Variants in NBPF11 observed in about 807,000 individuals in gnomAD.
The protein encoded by NBPF11 is NBPF family member NBPF11.
NBPF11 carries 72 observed loss-of-function variants against 93.9 expected under a neutral mutation model. That is an observed-to-expected ratio of 0.77 (90% CI 0.63 to 0.93). NBPF11 has a LOEUF of 0.93. Ranked by LOEUF, NBPF11 falls within the 40% of genes least tolerant of loss-of-function variation. NBPF11 has a pLI of 0.00. For missense variants in NBPF11, 705 were observed against 802.2 expected (o/e 0.88, Z 1.46); for synonymous variants, 224 against 304.9 (o/e 0.73, Z 2.76).
chr1:148,116,897 T>C (rs1232697398), intron 12 of NBPF11, among the ~76,000 whole-genome samples: 28 of 152,210 alleles, frequency 1.8e-4, no homozygotes, highest in African/African-American at 6.3e-4. Flanking sequence ...TCAAACCTAA[T>C]TCTTTCTCTT....
chr1:148,106,908 TG>T (rs1663785856), intron 20 of NBPF11, 33 bp downstream of exon 20: 1 of 690,692 alleles, frequency 1.4e-6, no homozygotes, highest in Non-Finnish European at 2.6e-6. Context: ...GAAGGCCAGG[TG>T]GAGGCTTATC....
At chr1:148,140,818 C>T (rs1392919454) in intron 2 of NBPF11, among the ~76,000 whole-genome samples, 2 of 151,410 alleles carry the variant, frequency 1.3e-5, no homozygotes, top group African/African-American at 2.4e-5. Flanking sequence ...AGTGTAGTCA[C>T]TTTGGAAAAC....
At position 148,137,179 on chromosome 1, in the gene NBPF11, C is replaced by T. The variant is rs1468507627; in HGVS notation, c.-178+532G>A. On this transcript the variant is annotated intron_variant, in intron 3 of 23. Coordinates refer to ENST00000682118, the MANE Select transcript of NBPF11 (RefSeq NM_001385469.3). ...TTACCGCATGAACTGGATCTAATCACATCACTCCATACATGACAGAGCTTT... is the reference window on the plus strand; with the variant it reads ...TTACCGCATGAACTGGATCTAATCATATCACTCCATACATGACAGAGCTTT... Among the ~76,000 whole-genome samples the T allele has an allele frequency of 2.8e-4, 43 of 152,048 alleles. 2 individuals are homozygous for T. Among genetic ancestry groups the T allele is most frequent in the African/African-American group, 9.7e-4 (40 of 41,324 alleles).
intron 1 of NBPF11, among the ~76,000 whole-genome samples, chr1:148,145,157 G>A (rs1672788961): frequency 6.9e-6 from 1 of 144,044 alleles, no homozygotes; most frequent in Non-Finnish European, 1.5e-5. Flanking sequence ...ATATAGAAAA[G>A]TGTGTTCATA....
chr1:148,142,454 C>A (rs1439386473), intron 2 of NBPF11, among the ~76,000 whole-genome samples: 27 of 151,134 alleles, frequency 1.8e-4, no homozygotes, highest in Non-Finnish European at 1.8e-4. Flanking sequence ...GAACACCAGG[C>A]CGCAACCTTC....
intron 12 of NBPF11, among the ~76,000 whole-genome samples, chr1:148,117,060 T>A (rs1666738482): frequency 1.3e-5 from 2 of 152,064 alleles, no homozygotes; most frequent in African/African-American, 4.8e-5. Flanking sequence ...AAGTGCCTTC[T>A]CCAACACCAC....
intron 20 of NBPF11, 44 bp from the exon 21 acceptor site, chr1:148,106,276 C>A (rs1223474966): frequency 4.8e-6 from 3 of 622,214 alleles, no homozygotes; most frequent in Non-Finnish European, 8.5e-6. Flanking sequence ...AGCCAATTCA[C>A]CTACACCCAT....
chr1:148,149,313 AGAC>A, intron 1 of NBPF11: 2 of 1,596,984 alleles, frequency 1.3e-6, no homozygotes, highest in South Asian at 2.2e-5. Flanking sequence ...GACACCAAGA[AGAC>A]CTACTGCTTC....
chr1:148,133,626 T>G (rs1670795550), intron 4 of NBPF11, among the ~76,000 whole-genome samples: 1 of 151,982 alleles, frequency 6.6e-6, no homozygotes, highest in African/African-American at 2.4e-5. Context: ...TGGTAATATA[T>G]AAAATGATAT....
At chr1:148,125,917 G>A (rs1669000505) in intron 5 of NBPF11, among the ~76,000 whole-genome samples, 1 of 151,888 alleles carries the variant, frequency 6.6e-6, no homozygotes, top group African/African-American at 2.4e-5. Context: ...TCCTCTTTAG[G>A]AACAAGAGCC....
rs1300115808 is a variant in NBPF11, at chr1:148,111,598, G to A, written c.1638-1057C>T. Among the ~76,000 whole-genome samples the A allele has an allele frequency of 7.3e-5, 11 of 151,098 alleles. No homozygotes were observed. The South Asian group carries it at 8.3e-4, about 11-fold the overall frequency. On this transcript the variant is annotated intron_variant, in intron 15 of 23. Transcript: ENST00000682118. ...CTGAAAACCATGGCACGAAAACTACGTGATGCATGCACAAGCTTCAGTAGC... is the reference window on the plus strand; with the variant it reads ...CTGAAAACCATGGCACGAAAACTACATGATGCATGCACAAGCTTCAGTAGC...
At chr1:148,133,522 G>A (rs1421287913) in intron 4 of NBPF11, among the ~76,000 whole-genome samples, 1 of 152,026 alleles carries the variant, frequency 6.6e-6, no homozygotes, top group Non-Finnish European at 1.5e-5. Context: ...ATTTTCTGGG[G>A]TTTGTTTTTA....
intron 4 of NBPF11, among the ~76,000 whole-genome samples, chr1:148,129,309 A>T (rs1208147002): frequency 6.8e-6 from 1 of 147,814 alleles, no homozygotes; most frequent in Non-Finnish European, 1.5e-5. Flanking sequence ...GTGTATATAT[A>T]TATTATATAT....
At position 148,124,994 on chromosome 1, in the gene NBPF11, T is replaced by C; in HGVS notation, c.183A>G (p.Glu61=). 2.5e-6 allele frequency: 4 copies of C among 1,590,606 alleles called. No individual in the cohort carries two copies. Among genetic ancestry groups the C allele is most frequent in the Non-Finnish European group, 3.4e-6 (4 of 1,163,084 alleles). The part of the protein sequence containing the change: ...LANRQKKYKY[E]ECKDLIKFML... ...TAAATTTTATGAGGTCTTTACACTC[T>C]TCATACTCTGAGAAAAGACAGACAC... The change falls in exon 6 of 24, where the codon GAA becomes GAG. Residue 61 remains glutamate (E), a synonymous_variant. Transcript: ENST00000682118.
chr1:148,116,305 C>G (rs1460221615), intron 13 of NBPF11, among the ~76,000 whole-genome samples, 158 bp downstream of exon 13: 3 of 152,066 alleles, frequency 2.0e-5, no homozygotes, highest in Non-Finnish European at 4.4e-5. Flanking sequence ...AGAAACATGA[C>G]AGCTGCCGCA....
Position 148,131,123 on chromosome 1 carries a change from TC to T in NBPF11, c.-35-4086del, listed in dbSNP as rs1351765654. On this transcript the variant is annotated intron_variant, in intron 4 of 23. Transcript: ENST00000682118. ...AACACAGGCCTCCCTAAAAACTGTT[TC>T]AGTAGCGACTGAGTGGTTCAATTAA... is the stretch of plus-strand genomic sequence containing the variant. Among the ~76,000 whole-genome samples the T allele has an allele frequency of 2.0e-5, 3 of 150,420 alleles. No individual in the cohort carries two copies. The East Asian group carries it at 5.9e-4, about 29-fold the overall frequency.
intron 18 of NBPF11, among the ~76,000 whole-genome samples, chr1:148,108,196 A>T (rs1468482363): frequency 6.6e-6 from 1 of 151,120 alleles, no homozygotes; most frequent in African/African-American, 2.4e-5. Flanking sequence ...ATTGAGACAA[A>T]ATCAGAGTTG....
At chr1:148,111,877 A>T (rs1239080420) in intron 15 of NBPF11, among the ~76,000 whole-genome samples, 1 of 151,056 alleles carries the variant, frequency 6.6e-6, no homozygotes, top group Non-Finnish European at 1.5e-5. Context: ...GAAGGCCAAC[A>T]TTCAAATTCA....
At position 148,111,377 on chromosome 1, in the gene NBPF11, G is replaced by A. The variant is rs1478906154; in HGVS notation, c.1638-836C>T. 4.6e-5 allele frequency among the ~76,000 whole-genome samples: 7 copies of A among 152,126 alleles called. No homozygotes were observed. The East Asian group carries it at 1.4e-3, about 29-fold the overall frequency. On this transcript the variant is annotated intron_variant, in intron 15 of 23. Coordinates refer to ENST00000682118, the MANE Select transcript of NBPF11 (RefSeq NM_001385469.3). The stretch of plus-strand genomic sequence containing the variant: ...AGGATCGCAGCTCCTCGCCAGCAAT[G>A]GAACAAAGCAGGATAGAGAATGACT...
Sources: gnomAD v4.1 joint callset for allele counts (sites outside exome capture counted in the v4.1 genomes callset) on GRCh38, gnomAD v4.1.1 for gene constraint, MANE v1.5 for transcripts, NCBI Gene and HGNC (gene_info 2026-07-23, HGNC 2026-07-21) for gene names.